MGMT: variants seen among roughly 807,000 people sequenced by gnomAD.
MGMT encodes O-6-methylguanine-DNA methyltransferase.
Under a neutral mutation model 15.9 loss-of-function variants are expected in MGMT, and 14 were observed. The observed-to-expected ratio is 0.88, with a 90% CI of 0.58 to 1.37. MGMT has a LOEUF of 1.37. MGMT is among the 40% of genes most tolerant of loss of function. The pLI, the probability that MGMT is intolerant of heterozygous loss-of-function variation, is 0.00. For missense variants in MGMT, 282 were observed against 268.1 expected (o/e 1.05, Z -0.36); for synonymous variants, 130 against 118.2 (o/e 1.10, Z -0.65).
At chr10:129,678,943 C>G (rs1158028412) in intron 2 of MGMT, among the ~76,000 whole-genome samples, 1 of 151,922 alleles carries the variant, frequency 6.6e-6, no homozygotes, top group African/African-American at 2.4e-5. Flanking sequence ...CGTGGTGGTG[C>G]ACACCTGTAA....
intron 2 of MGMT, among the ~76,000 whole-genome samples, chr10:129,656,496 A>G (rs1050477235): frequency 2.6e-5 from 4 of 152,152 alleles, no homozygotes; most frequent in Admixed American, 2.6e-4. Flanking sequence ...TTAATTTAGA[A>G]AGTTTATTTT....
At chr10:129,721,268 G>C in intron 3 of MGMT, among the ~76,000 whole-genome samples, 1 of 152,258 alleles carries the variant, frequency 6.6e-6, no homozygotes, top group East Asian at 1.9e-4. Context: ...ATTCTAGGTT[G>C]TGTGCCCTAG....
intron 2 of MGMT, among the ~76,000 whole-genome samples, chr10:129,683,354 A>G (rs1042065932): frequency 1.1e-4 from 16 of 152,228 alleles, no homozygotes; most frequent in Non-Finnish European, 1.5e-4. Context: ...TTAGGCTGGA[A>G]AAATGTGGCT....
intron 4 of MGMT, among the ~76,000 whole-genome samples, chr10:129,766,082 A>G (rs1848930661): frequency 6.6e-6 from 1 of 152,200 alleles, no homozygotes; most frequent in Non-Finnish European, 1.5e-5. Context: ...GTTGGTAGGC[A>G]GGATCCGGGG....
At chr10:129,542,510 C>T (rs141121918) in intron 2 of MGMT, among the ~76,000 whole-genome samples, 8 of 152,340 alleles carry the variant, frequency 5.3e-5, no homozygotes, top group Non-Finnish European at 1.0e-4. Flanking sequence ...TAGAGAAGCA[C>T]TGCCAGTAAA....
intron 2 of MGMT, among the ~76,000 whole-genome samples, chr10:129,618,385 A>T (rs577878847): frequency 6.6e-6 from 1 of 152,058 alleles, no homozygotes; most frequent in African/African-American, 2.4e-5. Flanking sequence ...CCTCATGCCA[A>T]CATGGCCCCG....
chr10:129,690,685 A>G (rs1024290217), intron 2 of MGMT, among the ~76,000 whole-genome samples: 1 of 152,222 alleles, frequency 6.6e-6, no homozygotes, highest in Admixed American at 6.5e-5. Flanking sequence ...GGGAGACCAC[A>G]TTCCAGGTAC....
At chr10:129,553,673 A>G (rs1326100023) in intron 2 of MGMT, among the ~76,000 whole-genome samples, 1 of 152,160 alleles carries the variant, frequency 6.6e-6, no homozygotes, top group Non-Finnish European at 1.5e-5. Context: ...GGAGACAGAG[A>G]TGGTGGCAGA....
intron 3 of MGMT, among the ~76,000 whole-genome samples, chr10:129,751,864 A>T (rs74160282): frequency 0.033 from 5,077 of 152,050 alleles, 296 homozygotes; most frequent in African/African-American, 0.12. Flanking sequence ...TTATGATCAG[A>T]GGATGTAACT....
intron 2 of MGMT, among the ~76,000 whole-genome samples, chr10:129,589,590 T>C (rs1225982852): frequency 2.0e-5 from 3 of 152,258 alleles, no homozygotes; most frequent in African/African-American, 7.2e-5. Flanking sequence ...CATCTTGACT[T>C]TGGAAATTTT....
rs1055919994 is a variant in MGMT, at chr10:129,703,516, G to A, written c.126-4379G>A. 9.9e-5 allele frequency among the ~76,000 whole-genome samples: 15 copies of A among 152,244 alleles called. No homozygotes were observed. The South Asian group carries it at 1.2e-3, about 13-fold the overall frequency. ...CGCTTCCCTGAGAAACCCCATCTGC[G>A]GGGTGTGATGGCCAGCCAGACCCCG... On this transcript the variant is annotated intron_variant, in intron 2 of 4. Transcript: ENST00000651593.
At chr10:129,730,135 C>G (rs1244521876) in intron 3 of MGMT, among the ~76,000 whole-genome samples, 3 of 152,134 alleles carry the variant, frequency 2.0e-5, no homozygotes, top group South Asian at 4.1e-4. Context: ...AATAGGAGTT[C>G]CTGTACTGGC....
chr10:129,567,638 A>G (rs1846371934), intron 2 of MGMT, among the ~76,000 whole-genome samples: 3 of 152,184 alleles, frequency 2.0e-5, no homozygotes, highest in Admixed American at 2.0e-4. Flanking sequence ...TAGTAGTAAT[A>G]AAAGCACGGG....
At chr10:129,694,098 C>T (rs1273453487) in intron 2 of MGMT, 23 of 152,240 alleles carry the variant, frequency 1.5e-4, no homozygotes, top group Admixed American at 1.5e-3. Flanking sequence ...CATCAAGTGC[C>T]ACGGAAATAA....
intron 2 of MGMT, among the ~76,000 whole-genome samples, chr10:129,635,648 T>G: frequency 6.6e-6 from 1 of 152,260 alleles, no homozygotes. Context: ...GCTGTGCTAT[T>G]ATAGTATTTA....
chr10:129,472,745 G>A (rs766132590), intron 1 of MGMT, among the ~76,000 whole-genome samples: 5 of 152,194 alleles, frequency 3.3e-5, no homozygotes, highest in Non-Finnish European at 7.3e-5. Context: ...TGGTGTTTGC[G>A]GATGCAGAGT....
At position 129,659,926 on chromosome 10, in the gene MGMT, T is replaced by C. The variant is rs1418760411; in HGVS notation, c.126-47969T>C. On this transcript the variant is annotated intron_variant, in intron 2 of 4. Coordinates refer to ENST00000651593, the MANE Select transcript of MGMT (RefSeq NM_002412.5). The surrounding 1 kb of genome is among the most constrained non-coding windows in gnomAD (Gnocchi z 4.1). Reference sequence around the variant, plus strand: ...CCCTGCCCCACTCCCCAGCTCTCTATGGCATTAGTAGATGCTGGAAGATGA... The same window carrying C: ...CCCTGCCCCACTCCCCAGCTCTCTACGGCATTAGTAGATGCTGGAAGATGA... Among the ~76,000 whole-genome samples, 1 of 152,210 alleles carries C rather than the reference T, an allele frequency of 6.6e-6. No homozygotes were observed. Among genetic ancestry groups the C allele is most frequent in the Non-Finnish European group, 1.5e-5 (1 of 68,036 alleles).
At chr10:129,505,898 G>A (rs116218476) in intron 1 of MGMT, among the ~76,000 whole-genome samples, 344 of 152,158 alleles carry the variant, frequency 2.3e-3, no homozygotes, top group African/African-American at 8.0e-3. Context: ...TTGTCCCTGG[G>A]GTAGTTTGAT....
intron 2 of MGMT, among the ~76,000 whole-genome samples, chr10:129,552,833 T>G (rs766347232): frequency 1.3e-5 from 2 of 152,256 alleles, no homozygotes; most frequent in Non-Finnish European, 2.9e-5. Flanking sequence ...AAGCCTGCTC[T>G]TTTTGTTTTT....
Sources: gnomAD v4.1 joint callset for allele counts (sites outside exome capture counted in the v4.1 genomes callset) on GRCh38, gnomAD v4.1.1 for gene constraint, Gnocchi (gnomAD v3.1) non-coding constraint, MANE v1.5 for transcripts, NCBI Gene and HGNC (gene_info 2026-07-23, HGNC 2026-07-21) for gene names.